KCNAB1: variants seen among roughly 807,000 people sequenced by gnomAD.
The protein encoded by KCNAB1 is potassium voltage-gated channel subfamily A regulatory beta subunit 1.
A neutral mutation model predicts 64.6 loss-of-function variants in KCNAB1; 35 were observed. That is an observed-to-expected ratio of 0.54 (90% CI 0.41 to 0.72). The LOEUF (loss-of-function observed/expected upper bound fraction) is 0.72. Among genes scored for constraint, KCNAB1 ranks in the 30% least tolerant of loss-of-function variants. The probability of loss-of-function intolerance (pLI) is 0.00; values close to 1 mark genes in which losing one functional copy is unlikely to be tolerated. For missense variants in KCNAB1, 401 were observed against 512.9 expected, an observed-to-expected ratio of 0.78 and a Z score of 2.11; for synonymous variants, 177 against 183.8, an observed-to-expected ratio of 0.96 and a Z score of 0.30.
At chr3:156,308,186 G>A (rs553751217) in intron 1 of KCNAB1, among the ~76,000 whole-genome samples, 82 of 152,334 alleles carry the variant, frequency 5.4e-4, no homozygotes, top group Middle Eastern at 6.8e-3. Flanking sequence ...TTGAGTATCT[G>A]CGAGAAGATC....
chr3:156,135,446 C>T (rs1276576979), intron 1 of KCNAB1, among the ~76,000 whole-genome samples: 6 of 152,196 alleles, frequency 3.9e-5, no homozygotes, highest in South Asian at 2.1e-4. Flanking sequence ...GCACTTTATT[C>T]CAGTCCTTAC....
chr3:156,359,286 A>G (rs1280524290), intron 1 of KCNAB1, among the ~76,000 whole-genome samples: 4 of 151,920 alleles, frequency 2.6e-5, no homozygotes, highest in African/African-American at 9.7e-5. Context: ...TTTTTAGCCC[A>G]TTTCTCCTCT....
chr3:156,437,540 C>T (rs558880377), intron 2 of KCNAB1, among the ~76,000 whole-genome samples: 1 of 152,284 alleles, frequency 6.6e-6, no homozygotes, highest in East Asian at 1.9e-4. Context: ...CAAAGTGATG[C>T]GTCCCACTTG....
chr3:156,505,583 A>G (rs1180463909), intron 8 of KCNAB1, among the ~76,000 whole-genome samples: 3 of 152,052 alleles, frequency 2.0e-5, no homozygotes, highest in Non-Finnish European at 4.4e-5. Context: ...TTCTTTCATC[A>G]GTTTCATAAT....
At chr3:156,334,479 G>A (rs1723551840) in intron 1 of KCNAB1, among the ~76,000 whole-genome samples, 1 of 152,130 alleles carries the variant, frequency 6.6e-6, no homozygotes, top group Admixed American at 6.6e-5. Context: ...GCAAAACCTG[G>A]CTTTACTCTT....
At chr3:156,477,205 T>G (rs1714430260) in intron 8 of KCNAB1, among the ~76,000 whole-genome samples, 1 of 152,192 alleles carries the variant, frequency 6.6e-6, no homozygotes, top group African/African-American at 2.4e-5. Context: ...AAATAATTGC[T>G]GCTGCCCAGT....
intron 1 of KCNAB1, among the ~76,000 whole-genome samples, chr3:156,359,044 C>A (rs546004513): frequency 3.9e-5 from 6 of 152,230 alleles, no homozygotes; most frequent in Non-Finnish European, 7.4e-5. Flanking sequence ...TTTAAATAAA[C>A]CAATATTGGG....
intron 12 of KCNAB1, 54 bp from the exon 13 acceptor site, chr3:156,531,355 T>C: frequency 7.7e-7 from 1 of 1,294,092 alleles, no homozygotes; most frequent in African/African-American, 1.5e-5. Context: ...GTTTATAAGC[T>C]AATCAACGAT....
chr3:156,489,286 G>T (rs1213967075), intron 8 of KCNAB1, among the ~76,000 whole-genome samples: 1 of 152,146 alleles, frequency 6.6e-6, no homozygotes, highest in East Asian at 1.9e-4. Context: ...CCAGTGTTAG[G>T]AGGTTGAGAG....
chr3:156,167,188 C>T (rs1488325125), intron 1 of KCNAB1, among the ~76,000 whole-genome samples: 1 of 152,182 alleles, frequency 6.6e-6, no homozygotes. Context: ...AGATCTCTTC[C>T]TCTAAGAGTG....
chr3:156,472,007 T>C (rs1220376946), intron 7 of KCNAB1, among the ~76,000 whole-genome samples: 2 of 152,156 alleles, frequency 1.3e-5, no homozygotes, highest in Non-Finnish European at 2.9e-5. Flanking sequence ...TCCCAAACCC[T>C]GTGCCTCGCC....
chr3:156,273,079 T>A (rs532774785), intron 1 of KCNAB1, among the ~76,000 whole-genome samples: 1 of 151,320 alleles, frequency 6.6e-6, no homozygotes, highest in African/African-American at 2.4e-5. Flanking sequence ...GCTGATACCC[T>A]AGTTTTAAAA....
At chr3:156,348,740 A>G (rs1316156987) in intron 1 of KCNAB1, among the ~76,000 whole-genome samples, 4 of 152,162 alleles carry the variant, frequency 2.6e-5, no homozygotes, top group Non-Finnish European at 4.4e-5. Flanking sequence ...ATGGGAATGG[A>G]TGTGATTTCC....
rs1470371208 is a variant in KCNAB1 at position 156,422,616 on chromosome 3, T to C, written c.319+957T>C. Among the ~76,000 whole-genome samples, 5 of 152,182 alleles carry C rather than the reference T, an allele frequency of 3.3e-5. No individual in the cohort carries two copies. In the South Asian group the frequency reaches 1.0e-3, roughly 31 times the overall value. ...GATTTGGGACATACTAAGTTTGAGATATCGATTAGGCCTGCAATAAAAATT... is the reference window on the plus strand; with the variant it reads ...GATTTGGGACATACTAAGTTTGAGACATCGATTAGGCCTGCAATAAAAATT... On this transcript the variant is annotated intron_variant, in intron 2 of 13. Transcript: ENST00000490337.
chr3:156,530,554 A>G (rs1718631803), intron 12 of KCNAB1, among the ~76,000 whole-genome samples: 1 of 152,328 alleles, frequency 6.6e-6, no homozygotes, highest in South Asian at 2.1e-4. Flanking sequence ...ACGTGAACGC[A>G]TAGGGGCACC....
At chr3:156,464,770 A>T (rs936212420) in intron 6 of KCNAB1, among the ~76,000 whole-genome samples, 1 of 152,166 alleles carries the variant, frequency 6.6e-6, no homozygotes, top group Non-Finnish European at 1.5e-5. Context: ...ATAAAGCAAC[A>T]TCATGCCTAT....
intron 1 of KCNAB1, among the ~76,000 whole-genome samples, chr3:156,131,124 G>T (rs1386345078): frequency 1.3e-5 from 2 of 152,178 alleles, no homozygotes; most frequent in African/African-American, 4.8e-5. Flanking sequence ...GTAGACTGTG[G>T]TTGTCACTGA....
intron 1 of KCNAB1, among the ~76,000 whole-genome samples, chr3:156,177,771 C>T (rs553221403): frequency 6.6e-6 from 1 of 152,188 alleles, no homozygotes; most frequent in South Asian, 2.1e-4. Flanking sequence ...GACAGAGTCT[C>T]GCCCTGTCGC....
chr3:156,457,656 C>T, intron 4 of KCNAB1, 124 bp downstream of exon 4: 1 of 784,400 alleles, frequency 1.3e-6, no homozygotes, highest in South Asian at 1.6e-5. Flanking sequence ...CAGCTCTGCT[C>T]TGTTCTGCCC....
Sources: allele counts gnomAD v4.1 joint callset (sites outside exome capture counted in the v4.1 genomes callset), GRCh38; gene constraint gnomAD v4.1.1; transcripts MANE v1.5; gene names NCBI Gene and HGNC (gene_info 2026-07-23, HGNC 2026-07-21).